The following PCDH15 variants were observed in gnomAD, a reference collection of about 807,000 sequenced individuals.
PCDH15 encodes the protein protocadherin related 15.
Under a neutral mutation model 178.5 loss-of-function variants are expected in PCDH15, and 129 were observed. That is an observed-to-expected ratio of 0.72 (90% confidence interval 0.63 to 0.84). The LOEUF (loss-of-function observed/expected upper bound fraction) is 0.84, where lower values mean the gene tolerates loss of function less well. PCDH15 is among the 40% of genes least tolerant of loss of function. The pLI is 0.00. For missense variants in PCDH15, 2,230 were observed against 2,099.9 expected (o/e 1.06, Z -1.21); for synonymous variants, 800 against 732.0 (o/e 1.09, Z -1.50).
intron 2 of PCDH15, among the ~76,000 whole-genome samples, chr10:55,471,924 T>C (rs1839963549): frequency 6.6e-6 from 1 of 152,198 alleles, no homozygotes; most frequent in Non-Finnish European, 1.5e-5. Context: ...GATGTGTTTA[T>C]GCCCTGGGAA....
intron 2 of PCDH15, among the ~76,000 whole-genome samples, chr10:55,462,820 T>C (rs1255123894): frequency 6.6e-6 from 1 of 152,130 alleles, no homozygotes; most frequent in East Asian, 1.9e-4. Context: ...GCAAAGGGTA[T>C]ATGTTATACT....
At chr10:54,071,479 T>A (rs2135865267) in intron 17 of PCDH15, among the ~76,000 whole-genome samples, 1 of 152,276 alleles carries the variant, frequency 6.6e-6, no homozygotes, top group African/African-American at 2.4e-5. Context: ...AAAATGCATT[T>A]TTTTATCATT....
chr10:54,806,970 G>A (rs1247548539), intron 3 of PCDH15, among the ~76,000 whole-genome samples: 6 of 152,144 alleles, frequency 3.9e-5, no homozygotes, highest in Middle Eastern at 3.2e-3. Context: ...GTATTGCAAC[G>A]TAATCGCAGG....
At chr10:54,355,912 G>T (rs1391092862) in intron 5 of PCDH15, among the ~76,000 whole-genome samples, 1 of 151,974 alleles carries the variant, frequency 6.6e-6, no homozygotes, top group East Asian at 1.9e-4. Flanking sequence ...GCAAAGAGAA[G>T]AAGAAATATA....
At chr10:55,570,155 A>G (rs1379304667) in intron 2 of PCDH15, among the ~76,000 whole-genome samples, 1 of 151,984 alleles carries the variant, frequency 6.6e-6, no homozygotes, top group Non-Finnish European at 1.5e-5. Flanking sequence ...TTTGTTTCTT[A>G]AAAATACTAG....
intron 2 of PCDH15, among the ~76,000 whole-genome samples, chr10:54,907,018 C>G (rs1308969437): frequency 6.6e-6 from 1 of 152,016 alleles, no homozygotes; most frequent in Non-Finnish European, 1.5e-5. Flanking sequence ...CCTAATGGAT[C>G]CATGTTTTCT....
intron 2 of PCDH15, among the ~76,000 whole-genome samples, chr10:54,567,097 C>A (rs1565616175): frequency 6.6e-6 from 1 of 152,100 alleles, no homozygotes; most frequent in African/African-American, 2.4e-5. Flanking sequence ...TGTGGGACAT[C>A]TTTTCATGTG....
chr10:53,852,211 A>G (rs2078429657), intron 28 of PCDH15, among the ~76,000 whole-genome samples: 2 of 152,038 alleles, frequency 1.3e-5, no homozygotes, highest in Non-Finnish European at 2.9e-5. Context: ...ATTATTTGCC[A>G]ATTATTTGTC....
chr10:54,854,890 C>T (rs1350310693), intron 3 of PCDH15, among the ~76,000 whole-genome samples: 1 of 152,188 alleles, frequency 6.6e-6, no homozygotes, highest in Non-Finnish European at 1.5e-5. Context: ...GGGACCCACC[C>T]CCTTCCACCC....
At chr10:55,582,628 A>ATTTTTTTTTTTTT (rs1554800566) in intron 2 of PCDH15, among the ~76,000 whole-genome samples, 2 of 69,032 alleles carry the variant, frequency 2.9e-5, no homozygotes, top group African/African-American at 6.6e-5. Context: ...ATATATATAT[A>ATTTTTTTTTTTTT]TTTTTTTTTT....
At chr10:54,845,523 G>A (rs1210312075) in intron 3 of PCDH15, among the ~76,000 whole-genome samples, 2 of 152,094 alleles carry the variant, frequency 1.3e-5, no homozygotes, top group African/African-American at 4.8e-5. Context: ...ACTGAAGGAT[G>A]TGGTCTAAAT....
At chr10:54,028,933 T>TACA (rs1227601870) in intron 18 of PCDH15, among the ~76,000 whole-genome samples, 255 of 135,484 alleles carry the variant, frequency 1.9e-3, no homozygotes, top group African/African-American at 7.4e-3. Context: ...AAACTTAAAG[T>TACA]ATAATAATAA....
intron 18 of PCDH15, among the ~76,000 whole-genome samples, chr10:54,031,597 G>A (rs990825807): frequency 6.6e-6 from 1 of 152,012 alleles, no homozygotes; most frequent in Admixed American, 6.6e-5. Flanking sequence ...CAATATTCCT[G>A]TAGTTGGGTG....
At chr10:54,110,906 A>G (rs1029731113) in intron 15 of PCDH15, among the ~76,000 whole-genome samples, 5 of 152,160 alleles carry the variant, frequency 3.3e-5, no homozygotes, top group Non-Finnish European at 7.3e-5. Context: ...AACTCTTCCA[A>G]TGTAAATATT....
At chr10:54,686,877 T>C (rs2095021967) in intron 1 of PCDH15, among the ~76,000 whole-genome samples, 1 of 152,156 alleles carries the variant, frequency 6.6e-6, no homozygotes, top group Admixed American at 6.6e-5. Context: ...AAAATGTATA[T>C]TTGATAAAGG....
chr10:55,146,681 C>T (rs920060500), intron 2 of PCDH15, among the ~76,000 whole-genome samples: 7 of 151,786 alleles, frequency 4.6e-5, no homozygotes, highest in Non-Finnish European at 1.0e-4. Flanking sequence ...TTTACTATAA[C>T]TTCTATATGT....
At chr10:54,645,639 A>T (rs534155016) in intron 2 of PCDH15, among the ~76,000 whole-genome samples, 2 of 152,296 alleles carry the variant, frequency 1.3e-5, no homozygotes, top group East Asian at 3.9e-4. Context: ...AGAATGAAGT[A>T]TGTAGAAAGT....
rs1841811793 is a variant in PCDH15 at position 55,543,606 on chromosome 10, G to A, written c.-156+84019C>T. Among the ~76,000 whole-genome samples the A allele has an allele frequency of 2.0e-5, 3 of 150,870 alleles. 1 individual carries two copies. The South Asian group carries it at 6.3e-4, about 31-fold the overall frequency. Reference sequence around the variant, plus strand: ...GAGATCAAATCACATACCTTATAAGGAGAAGAGCTAGAATCTAAATCCACG... The same window carrying A: ...GAGATCAAATCACATACCTTATAAGAAGAAGAGCTAGAATCTAAATCCACG... On this transcript the variant is annotated intron_variant, in intron 2 of 5. Transcript: ENST00000613346.
At chr10:55,235,274 C>T (rs1393547563) in intron 1 of PCDH15, among the ~76,000 whole-genome samples, 2 of 152,030 alleles carry the variant, frequency 1.3e-5, no homozygotes, top group East Asian at 1.9e-4. Flanking sequence ...TCAGTCAAGT[C>T]CAAGACCCTC....
Sources: allele counts gnomAD v4.1 joint callset (sites outside exome capture counted in the v4.1 genomes callset), GRCh38; gene constraint gnomAD v4.1.1; transcripts MANE v1.5; gene names NCBI Gene and HGNC (gene_info 2026-07-23, HGNC 2026-07-21).